PEAK1: variants seen among roughly 807,000 people sequenced by gnomAD.
PEAK1 encodes pseudopodium enriched atypical kinase 1.
Under a neutral mutation model 124.7 loss-of-function variants are expected in PEAK1, and 54 were observed. The observed-to-expected ratio is 0.43, with a 90% CI of 0.35 to 0.54. The LOEUF is 0.54. Ranked by LOEUF, PEAK1 falls within the 20% of genes least tolerant of loss-of-function variation. The pLI is 0.01. For missense variants in PEAK1, 2,046 were observed against 2,134.5 expected, an observed-to-expected ratio of 0.96 and a Z score of 0.82; for synonymous variants, 719 against 760.0, an observed-to-expected ratio of 0.95 and a Z score of 0.89.
chr15:77,234,135 G>A (rs991580791), intron 6 of PEAK1, among the ~76,000 whole-genome samples: 4 of 152,126 alleles, frequency 2.6e-5, no homozygotes, highest in Non-Finnish European at 5.9e-5. Context: ...TCAAAGTGTT[G>A]AGATTACAGG....
At chr15:77,250,233 G>GTATA (rs1324080099) in intron 6 of PEAK1, among the ~76,000 whole-genome samples, 3 of 102,982 alleles carry the variant, frequency 2.9e-5, no homozygotes, top group African/African-American at 4.0e-5. Context: ...ACATATATAT[G>GTATA]TATATGTATA....
At chr15:77,108,031 A>C (rs1292965543), downstream of PEAK1, 1 of 152,386 alleles carries the variant, frequency 6.6e-6, no homozygotes, top group East Asian at 1.9e-4. Flanking sequence ...ACAGGCTGAA[A>C]GCCATCATTT....
intron 8 of PEAK1, 193 bp downstream of exon 8, chr15:77,158,309 CA>C: frequency 1.7e-6 from 1 of 578,162 alleles, no homozygotes; most frequent in Non-Finnish European, 3.1e-6. Flanking sequence ...GCACAGGGCT[CA>C]TGGGTGCAGG....
chr15:77,244,679 C>T (rs1263341793), intron 6 of PEAK1, among the ~76,000 whole-genome samples: 1 of 152,022 alleles, frequency 6.6e-6, no homozygotes, highest in Non-Finnish European at 1.5e-5. Context: ...GCCTCCACCT[C>T]CTGGGTCCAA....
At chr15:77,242,979 C>T (rs1261332393) in intron 6 of PEAK1, among the ~76,000 whole-genome samples, 2 of 152,162 alleles carry the variant, frequency 1.3e-5, no homozygotes, top group Admixed American at 6.5e-5. Context: ...CAGCATTTGA[C>T]ATCACTCACA....
chr15:77,162,493 C>CA (rs71143393), intron 7 of PEAK1, among the ~76,000 whole-genome samples: 2,228 of 69,102 alleles, frequency 0.032, 93 homozygotes, highest in East Asian at 0.14. Flanking sequence ...GACTCCATCT[C>CA]AAAAAAAAAA....
At chr15:77,253,398 TAA>T (rs1438864434) in intron 5 of PEAK1, among the ~76,000 whole-genome samples, 1 of 152,166 alleles carries the variant, frequency 6.6e-6, no homozygotes, top group Non-Finnish European at 1.5e-5. Context: ...ACTTTTGTTT[TAA>T]AAAGTCAGCT....
intron 6 of PEAK1, among the ~76,000 whole-genome samples, chr15:77,215,714 C>T (rs1331921748): frequency 6.6e-6 from 1 of 152,102 alleles, no homozygotes; most frequent in Non-Finnish European, 1.5e-5. Context: ...ACGATAACTT[C>T]TTTTAGTTTG....
chr15:77,372,942 A>C (rs1434216429), intron 1 of PEAK1, among the ~76,000 whole-genome samples: 1 of 152,172 alleles, frequency 6.6e-6, no homozygotes, highest in Non-Finnish European at 1.5e-5. Flanking sequence ...GCCTCACCAG[A>C]ACCCTAGCAG....
At chr15:77,368,023 T>C (rs1041400920) in intron 1 of PEAK1, among the ~76,000 whole-genome samples, 1 of 152,196 alleles carries the variant, frequency 6.6e-6, no homozygotes. Context: ...GTTGTGACTA[T>C]AAAAACTGTT....
chr15:77,351,412 G>C (rs1207497806), intron 2 of PEAK1, among the ~76,000 whole-genome samples: 1 of 152,174 alleles, frequency 6.6e-6, no homozygotes, highest in East Asian at 1.9e-4. Context: ...ATATGGTCTG[G>C]AGGCAGGGAA....
chr15:77,144,013 A>G (rs2053991432), intron 8 of PEAK1, among the ~76,000 whole-genome samples: 1 of 152,238 alleles, frequency 6.6e-6, no homozygotes, highest in Non-Finnish European at 1.5e-5. Flanking sequence ...AAACAAAAAT[A>G]ATCACAGACA....
intron 2 of PEAK1, among the ~76,000 whole-genome samples, chr15:77,296,046 G>A (rs917692955): frequency 1.3e-5 from 2 of 152,156 alleles, no homozygotes; most frequent in African/African-American, 4.8e-5. Flanking sequence ...AGATGGAAAA[G>A]GAAGTGTATT....
intron 2 of PEAK1, among the ~76,000 whole-genome samples, chr15:77,354,788 C>T (rs1456321200): frequency 6.6e-6 from 1 of 151,984 alleles, no homozygotes; most frequent in Non-Finnish European, 1.5e-5. Context: ...GCCTGTAATC[C>T]CAGCACTTTG....
chr15:77,245,630 CA>C (rs1238538188), intron 6 of PEAK1, among the ~76,000 whole-genome samples: 9 of 151,900 alleles, frequency 5.9e-5, no homozygotes, highest in African/African-American at 1.9e-4. Flanking sequence ...ACCCAGGAGG[CA>C]GAGGCTGCAG....
rs1279378295 is a variant in PEAK1 at position 77,110,511 on chromosome 15, A to G, written c.*3645T>C. The stretch of plus-strand genomic sequence containing the variant: ...TTGGCTTAGACTTTCCCATGTTTAC[A>G]AACTTATTCTGAGTTTGGAAGCAAA... On this transcript the variant is annotated 3_prime_UTR_variant, in exon 10 of 10. Coordinates refer to ENST00000682557, the MANE Select transcript of PEAK1 (RefSeq NM_001385026.1). 1 of 152,220 alleles carries G rather than the reference A, an allele frequency of 6.6e-6. No homozygotes were observed. Among genetic ancestry groups the G allele is most frequent in the African/African-American group, 2.4e-5 (1 of 41,460 alleles). 9.4% of individuals were successfully genotyped at this position (152,220 alleles called of 1,614,324 possible).
chr15:77,260,064 C>G (rs1375994072), intron 5 of PEAK1, among the ~76,000 whole-genome samples: 2 of 152,138 alleles, frequency 1.3e-5, no homozygotes, highest in Non-Finnish European at 2.9e-5. Context: ...AGTTGCAATA[C>G]AAAGATTCTC....
intron 2 of PEAK1, among the ~76,000 whole-genome samples, chr15:77,301,890 T>C (rs2063806813): frequency 6.6e-6 from 1 of 152,198 alleles, no homozygotes; most frequent in Non-Finnish European, 1.5e-5. Flanking sequence ...CAACCATTTG[T>C]TTATATCAGT....
Position 77,181,966 on chromosome 15 carries a change from G to A in PEAK1, c.-40C>T. ...CTTCACAGACAATGCTTTTCTTTCAGTGCATGACAAAACTTTCATCTGTTA... is the reference window on the plus strand; with the variant it reads ...CTTCACAGACAATGCTTTTCTTTCAATGCATGACAAAACTTTCATCTGTTA... On this transcript the variant is annotated 5_prime_UTR_variant, in exon 7 of 10. Transcript: ENST00000682557. 6.6e-7 allele frequency: 1 copy of A among 1,515,590 alleles called. No individual in the cohort carries two copies. Among genetic ancestry groups the A allele is most frequent in the East Asian group, 2.3e-5 (1 of 44,040 alleles). The allele number at this position is 1,515,590 out of a possible 1,614,324, so 93.9% of individuals were successfully genotyped here.
Sources: gnomAD v4.1 joint callset for allele counts (sites outside exome capture counted in the v4.1 genomes callset) on GRCh38, gnomAD v4.1.1 for gene constraint, MANE v1.5 for transcripts, NCBI Gene and HGNC (gene_info 2026-07-23, HGNC 2026-07-21) for gene names.